CALM2: variants seen among roughly 807,000 people sequenced by gnomAD.
The protein encoded by CALM2 is calmodulin-2.
A neutral mutation model predicts 19.8 loss-of-function variants in CALM2; 2 were observed. The observed-to-expected ratio is 0.10, with a 90% CI of 0.04 to 0.32. CALM2 has a LOEUF of 0.32. Ranked by LOEUF, CALM2 falls within the 10% of genes least tolerant of loss-of-function variation. CALM2 has a pLI of 1.00. For synonymous variants in CALM2, 51 were observed against 52.1 expected, an observed-to-expected ratio of 0.98 and a Z score of 0.09; for missense variants, 38 against 178.7, an observed-to-expected ratio of 0.21 and a Z score of 4.49.
intron 2 of CALM2, among the ~76,000 whole-genome samples, chr2:47,166,926 T>C (rs1666495063): frequency 6.6e-6 from 1 of 152,140 alleles, no homozygotes; most frequent in African/African-American, 2.4e-5. Context: ...TTCAGAAAAA[T>C]CTATTACTCA....
intron 2 of CALM2, among the ~76,000 whole-genome samples, chr2:47,164,275 G>A (rs1478413222): frequency 2.3e-5 from 3 of 128,052 alleles, no homozygotes; most frequent in East Asian, 4.9e-4. Context: ...AAGAAACCCC[G>A]TCTCTACTAA....
chr2:47,165,013 A>G (rs949612599), intron 2 of CALM2, among the ~76,000 whole-genome samples: 3 of 152,220 alleles, frequency 2.0e-5, no homozygotes, highest in Non-Finnish European at 4.4e-5. Flanking sequence ...AACCTTAGTT[A>G]TATTTTAAAT....
chr2:47,168,303 A>C (rs1666554660), intron 2 of CALM2, among the ~76,000 whole-genome samples: 1 of 152,208 alleles, frequency 6.6e-6, no homozygotes, highest in Non-Finnish European at 1.5e-5. Flanking sequence ...AGAGAACCTA[A>C]GAACAGATTT....
chr2:47,172,608 T>C (rs1666706281), intron 1 of CALM2: 2 of 420,976 alleles, frequency 4.8e-6, no homozygotes, highest in South Asian at 2.6e-5. Flanking sequence ...CTCTATTCAA[T>C]GTTAACTTTG....
At position 47,162,280 on chromosome 2, in the gene CALM2, A is replaced by C. The variant is rs1687184838; in HGVS notation, c.285+6T>G. The C allele has an allele frequency of 6.4e-7, 1 of 1,555,422 alleles. No homozygotes were observed. Among genetic ancestry groups the C allele is most frequent in the African/African-American group, 1.4e-5 (1 of 73,044 alleles). ...CAAAATTTAACATATCCAGTCCTTG[A>C]CGTACCTTATCAAACACACGGAATG... On this transcript the variant is annotated splice_donor_region_variant and intron_variant, in intron 4 of 5. Coordinates refer to ENST00000272298, the MANE Select transcript of CALM2 (RefSeq NM_001743.6).
intron 2 of CALM2, among the ~76,000 whole-genome samples, chr2:47,170,237 C>T (rs1350889424): frequency 1.3e-5 from 2 of 152,078 alleles, no homozygotes; most frequent in Non-Finnish European, 1.5e-5. Context: ...AATAGAATGC[C>T]AACTTCTTAA....
intron 1 of CALM2, chr2:47,171,708 GCA>G (rs977618429): frequency 3.9e-5 from 6 of 152,150 alleles, no homozygotes; most frequent in African/African-American, 1.4e-4. Flanking sequence ...GTATTGAGAA[GCA>G]CAGACAAGAA....
rs1573233525 is a variant in CALM2, at chr2:47,175,152, T to C, written c.3+1289A>G. The stretch of plus-strand genomic sequence containing the variant: ...GGTGACCGGAAAATGCTTTTAAAAA[T>C]TCCCTGCTCCTCCCCCGCATACACT... On this transcript the variant is annotated intron_variant, in intron 1 of 5. Transcript: ENST00000272298. Among the ~76,000 whole-genome samples the C allele has an allele frequency of 2.7e-5, 4 of 148,478 alleles. No individual in the cohort carries two copies. In the South Asian group the frequency reaches 8.5e-4, roughly 31 times the overall value.
At chr2:47,162,452 G>C in intron 3 of CALM2, 60 bp from the exon 4 acceptor site, 1 of 1,608,502 alleles carries the variant, frequency 6.2e-7, no homozygotes, top group East Asian at 2.2e-5. Context: ...AAACAGCAAA[G>C]GTTTAGTGGA....
Position 47,176,504 on chromosome 2 carries a change from C to A in CALM2, c.-61G>T, listed in dbSNP as rs1389654126. Reference sequence around the variant, plus strand: ...ACAACCACTCAGCTCGCTCTCTCCACTCGGACTAATTCGCCTCCTCCGCCC... The same window carrying A: ...ACAACCACTCAGCTCGCTCTCTCCAATCGGACTAATTCGCCTCCTCCGCCC... On this transcript the variant is annotated 5_prime_UTR_variant, in exon 1 of 6. Coordinates refer to ENST00000272298, the MANE Select transcript of CALM2 (RefSeq NM_001743.6). The A allele has an allele frequency of 6.2e-7, 1 of 1,609,018 alleles. No homozygotes were observed. Among genetic ancestry groups the A allele is most frequent in the Admixed American group, 1.7e-5 (1 of 59,618 alleles).
intron 2 of CALM2, among the ~76,000 whole-genome samples, chr2:47,168,563 AC>A (rs1666563727): frequency 6.6e-6 from 1 of 151,826 alleles, no homozygotes; most frequent in Admixed American, 6.6e-5. Flanking sequence ...ACATGGAGAA[AC>A]CCCATCTCTA....
chr2:47,164,522 G>T (rs1157447502), intron 2 of CALM2, among the ~76,000 whole-genome samples: 1 of 151,316 alleles, frequency 6.6e-6, no homozygotes, highest in Non-Finnish European at 1.5e-5. Context: ...GCTTGAACCC[G>T]AGAGGCGGAG....
At chr2:47,170,636 C>A (rs918058314) in intron 2 of CALM2, 98 bp downstream of exon 2, 1 of 959,910 alleles carries the variant, frequency 1.0e-6, no homozygotes, top group Admixed American at 1.7e-5. Context: ...ATGACATATA[C>A]CAAAGTCAAT....
chr2:47,176,575 T>G, upstream of CALM2: 6 of 1,549,296 alleles, frequency 3.9e-6, no homozygotes, highest in South Asian at 1.2e-5. Context: ...CTCCGCCGCA[T>G]CCAGATAACG....
chr2:47,162,658 G>A lies in CALM2; in HGVS notation c.39C>T (p.Phe13=). 1 of 1,593,264 alleles carries A rather than the reference G, an allele frequency of 6.3e-7. No individual in the cohort carries two copies. Among genetic ancestry groups the A allele is most frequent in the South Asian group, 1.1e-5 (1 of 87,636 alleles). ...TGTCAAATAGTGAAAAAGCTTCTTT[G>A]AATTCTGTTTGAAAGAAAGACCACA... ...DQLTEEQIAE[F]KEAFSLFDKD... is the part of the protein sequence containing the mutation. Residue 13 remains phenylalanine, a synonymous_variant, in exon 3 of 6, where the codon TTC becomes TTT. Transcript: ENST00000272298.
chr2:47,162,782 G>C (rs568425141), intron 2 of CALM2, 120 bp from the exon 3 acceptor site: 1 of 821,426 alleles, frequency 1.2e-6, no homozygotes, highest in Admixed American at 3.4e-5. Flanking sequence ...AACAGCCACT[G>C]CACTTCAGCC....
chr2:47,162,201 C>CAAAAAAAAAAAAAAAA (rs1553431766), intron 4 of CALM2, 85 bp downstream of exon 4: 1 of 130,862 alleles, frequency 7.6e-6, no homozygotes, highest in Non-Finnish European at 1.3e-5. Context: ...AAAAAAAAAA[C>CAAAAAAAAAAAAAAAA]AACCAAAAAA....
upstream of CALM2, chr2:47,176,520 T>A: frequency 2.5e-6 from 4 of 1,597,564 alleles, no homozygotes; most frequent in Non-Finnish European, 3.4e-6. Flanking sequence ...CTAATTCGCC[T>A]CCTCCGCCCC....
chr2:47,172,826 GGA>G, intron 1 of CALM2: 11 of 33,486 alleles, frequency 3.3e-4, no homozygotes, highest in Admixed American at 1.4e-3. Flanking sequence ...GGGGGGGGTG[GGA>G]AATGGGACTT....
Sources: allele counts gnomAD v4.1 joint callset (sites outside exome capture counted in the v4.1 genomes callset), GRCh38; gene constraint gnomAD v4.1.1; transcripts MANE v1.5; gene names NCBI Gene and HGNC (gene_info 2026-07-23, HGNC 2026-07-21).